MSANTD7: variants seen among roughly 807,000 people sequenced by gnomAD.
MSANTD7 encodes the protein Myb/SANT DNA binding domain containing 7.
chr10:14,840,579 T>C, the MSANTD7 span, among the ~76,000 whole-genome samples: 1 of 152,232 alleles, frequency 6.6e-6, no homozygotes. Flanking sequence ...TTTGTGACAC[T>C]TTCTGGGAAC....
chr10:14,841,834 C>T, the MSANTD7 span, among the ~76,000 whole-genome samples: 477 of 152,346 alleles, frequency 3.1e-3, 2 homozygotes, highest in African/African-American at 0.011. Context: ...ACTCCTTTAG[C>T]GTTAGCTGCC....
At chr10:14,842,032 T>G in the MSANTD7 span, 5 of 816,492 alleles carry the variant, frequency 6.1e-6, no homozygotes, top group Non-Finnish European at 9.8e-6. The surrounding 1 kb of genome is among the most constrained non-coding windows in gnomAD (Gnocchi z 5.2). Flanking sequence ...AGTCTTGGCC[T>G]CATGCCTGTT....
chr10:14,844,963 T>C, the MSANTD7 span: 1 of 985,348 alleles, frequency 1.0e-6, no homozygotes, highest in Admixed American at 6.1e-5. Context: ...TCCTCAGATG[T>C]TGTAGACAGA....
chr10:14,841,777 G>A, the MSANTD7 span, among the ~76,000 whole-genome samples: 552 of 152,356 alleles, frequency 3.6e-3, 1 homozygote, highest in Middle Eastern at 0.024. Context: ...GCTGTGATTA[G>A]TAAAGACTGA....
chr10:14,844,873 C>G, the MSANTD7 span: 1 of 985,288 alleles, frequency 1.0e-6, no homozygotes, highest in East Asian at 1.1e-4. Context: ...TCATTCTTTT[C>G]TGTTATTTTT....
chr10:14,845,025 T>C, the MSANTD7 span: 274 of 985,462 alleles, frequency 2.8e-4, 1 homozygote, highest in Admixed American at 4.2e-3. Context: ...TGTTTCCTCT[T>C]TAACTTTGGG....
chr10:14,846,836 A>G, the MSANTD7 span: 1 of 985,418 alleles, frequency 1.0e-6, no homozygotes, highest in Non-Finnish European at 1.2e-6. Flanking sequence ...GAGGAGGAAG[A>G]GAAGATGGCA....
the MSANTD7 span, chr10:14,843,585 CTTG>C: frequency 1.3e-6 from 2 of 1,550,668 alleles, no homozygotes; most frequent in Non-Finnish European, 1.7e-6. Flanking sequence ...GGGATAGGCC[CTTG>C]ACCAGTGAGC....
the MSANTD7 span, chr10:14,844,247 T>G: frequency 4.8e-5 from 51 of 1,072,922 alleles, no homozygotes; most frequent in Middle Eastern, 1.6e-3. Context: ...CTCACAGGGT[T>G]GTTGTGAGGA....
the MSANTD7 span, chr10:14,843,525 C>T: frequency 2.6e-6 from 4 of 1,550,704 alleles, no homozygotes; most frequent in Non-Finnish European, 3.5e-6. Flanking sequence ...GGGTAGCCTC[C>T]ACACCGCAGA....
At chr10:14,846,281 T>G in the MSANTD7 span, 1 of 985,196 alleles carries the variant, frequency 1.0e-6, no homozygotes, top group Non-Finnish European at 1.2e-6. Context: ...TGACGGAGAG[T>G]TAGGCCTGTA....
chr10:14,842,391 T>C, the MSANTD7 span: 2 of 1,536,036 alleles, frequency 1.3e-6, no homozygotes, highest in Non-Finnish European at 1.7e-6. This position sits in a 1 kb window ranked among gnomAD's most constrained non-coding sequence, Gnocchi z 5.2. Context: ...CTCCAGACTG[T>C]GCATCACAAT....
chr10:14,838,456 T>C, the MSANTD7 span: 1 of 1,604,526 alleles, frequency 6.2e-7, no homozygotes, highest in African/African-American at 1.3e-5. Flanking sequence ...TGGCCGTCTA[T>C]AAGGTGAGGG....
chr10:14,843,820 G>A, the MSANTD7 span: 1 of 1,536,412 alleles, frequency 6.5e-7, no homozygotes, highest in East Asian at 2.4e-5. Context: ...AACAGCAGTG[G>A]AAGAGGCAAC....
the MSANTD7 span, chr10:14,842,548 A>G: frequency 2.0e-6 from 3 of 1,536,160 alleles, no homozygotes; most frequent in Non-Finnish European, 2.6e-6. The surrounding 1 kb of genome is among the most constrained non-coding windows in gnomAD (Gnocchi z 5.2). Flanking sequence ...GTGAGCCACC[A>G]CACTGTCCAT....
At chr10:14,842,713 G>T in the MSANTD7 span, 1 of 1,536,476 alleles carries the variant, frequency 6.5e-7, no homozygotes, top group African/African-American at 1.4e-5. This position sits in a 1 kb window ranked among gnomAD's most constrained non-coding sequence, Gnocchi z 5.2. Flanking sequence ...AATCAAAAAG[G>T]ACTCAGGCAG....
the MSANTD7 span, chr10:14,845,164 A>G: frequency 1.0e-6 from 1 of 984,900 alleles, no homozygotes; most frequent in Non-Finnish European, 1.2e-6. Flanking sequence ...GATAAGCCAC[A>G]CTTCCGATTT....
chr10:14,839,332 GGGAA>G, the MSANTD7 span, among the ~76,000 whole-genome samples: 2 of 152,212 alleles, frequency 1.3e-5, no homozygotes, highest in Non-Finnish European at 2.9e-5. Flanking sequence ...CCAGCACTTT[GGGAA>G]GCCGAGGCAG....
At chr10:14,846,326 A>G in the MSANTD7 span, 2 of 985,290 alleles carry the variant, frequency 2.0e-6, no homozygotes, top group South Asian at 9.4e-5. Context: ...AAAGTGCATA[A>G]GACAGGGATT....
Sources: gnomAD v4.1 joint callset for allele counts (sites outside exome capture counted in the v4.1 genomes callset) on GRCh38, gnomAD v4.1.1 for gene constraint, Gnocchi (gnomAD v3.1) non-coding constraint, MANE v1.5 for transcripts, NCBI Gene and HGNC (gene_info 2026-07-23, HGNC 2026-07-21) for gene names.